The following RWDD1 variants were observed in gnomAD, a reference collection of about 807,000 sequenced individuals.
RWDD1 encodes RWD domain-containing protein 1.
A neutral mutation model predicts 31.6 loss-of-function variants in RWDD1; 17 were observed. The observed-to-expected ratio is 0.54, with a 90% CI of 0.37 to 0.81. RWDD1 has a LOEUF of 0.81. Ranked by LOEUF, RWDD1 falls within the 30% of genes least tolerant of loss-of-function variation. The probability of loss-of-function intolerance (pLI) is 0.00; values close to 1 mark genes in which losing one functional copy is unlikely to be tolerated. For synonymous variants in RWDD1, 78 were observed against 94.2 expected (o/e 0.83, Z 0.99); for missense variants, 204 against 274.5 (o/e 0.74, Z 1.82).
chr6:116,586,783 G>A (rs1775047873), intron 3 of RWDD1, among the ~76,000 whole-genome samples: 1 of 152,042 alleles, frequency 6.6e-6, no homozygotes, highest in African/African-American at 2.4e-5. Flanking sequence ...TATGATTGCT[G>A]GATTAAAGGG....
At position 116,586,134 on chromosome 6, in the gene RWDD1, C is replaced by A. The variant is rs74320121; in HGVS notation, c.270+1277C>A. Among the ~76,000 whole-genome samples the A allele has an allele frequency of 7.2e-5, 11 of 152,254 alleles. No individual in the cohort carries two copies. In the East Asian group the frequency reaches 2.1e-3, roughly 29 times the overall value. ...CTGTTTTGATTTATTTGACACCTGCCTGACCCTCAGGTGTGATCAGGGAGT... is the reference window on the plus strand; with the variant it reads ...CTGTTTTGATTTATTTGACACCTGCATGACCCTCAGGTGTGATCAGGGAGT... On this transcript the variant is annotated intron_variant, in intron 3 of 6. Transcript: ENST00000466444.
intron 5 of RWDD1, 130 bp from the exon 6 acceptor site, chr6:116,590,758 A>G (rs1583336412): frequency 7.3e-7 from 1 of 1,365,310 alleles, no homozygotes; most frequent in Non-Finnish European, 9.7e-7. Context: ...CCACTTAGCT[A>G]CTGAATAAAT....
At chr6:116,590,988 C>G in intron 6 of RWDD1, 38 bp downstream of exon 6, 1 of 1,536,098 alleles carries the variant, frequency 6.5e-7, no homozygotes, top group Non-Finnish European at 8.7e-7. Flanking sequence ...GGGACAGGCA[C>G]AGTAGCTCAA....
chr6:116,593,044 T>C lies in RWDD1; in HGVS notation c.675T>C (p.Asp225=). The change falls in exon 7 of 7, where the codon GAT becomes GAC. Residue 225 remains aspartate, a synonymous_variant. Transcript: ENST00000466444. The stretch of plus-strand genomic sequence containing the variant: ...AAATGGATGACTTGGAGCTGGAGGA[T>C]GATGAAGATGATCCAGACTATAATC... ...FQEMDDLELE[D]DEDDPDYNPA... is the part of the protein sequence containing the mutation. 6.2e-7 allele frequency: 1 copy of C among 1,613,806 alleles called. No individual in the cohort carries two copies. Among genetic ancestry groups the C allele is most frequent in the Non-Finnish European group, 8.5e-7 (1 of 1,179,944 alleles).
intron 2 of RWDD1, among the ~76,000 whole-genome samples, chr6:116,581,658 T>C (rs1774948998): frequency 6.6e-6 from 1 of 152,030 alleles, no homozygotes; most frequent in Admixed American, 6.5e-5. Flanking sequence ...AAGAACGATC[T>C]CACAGGTAAT....
chr6:116,577,135 C>G (rs1300982273), intron 1 of RWDD1, among the ~76,000 whole-genome samples: 2 of 152,148 alleles, frequency 1.3e-5, no homozygotes, highest in African/African-American at 4.8e-5. Flanking sequence ...AGAACTCATT[C>G]CAACACACTT....
intron 6 of RWDD1, among the ~76,000 whole-genome samples, chr6:116,592,113 T>TA (rs1413624951): frequency 6.6e-6 from 1 of 152,218 alleles, no homozygotes; most frequent in Admixed American, 6.5e-5. Context: ...TTTCTCTCCT[T>TA]AAAATCCTTT....
In RWDD1 at chr6:116,571,627, G is replaced by A. The variant is rs530894435; in HGVS notation, c.45G>A (p.Leu15=). Residue 15 remains leucine, a synonymous_variant, in exon 1 of 7, where the codon CTG becomes CTA. Coordinates refer to ENST00000466444, the MANE Select transcript of RWDD1 (RefSeq NM_015952.4). ...AGCAGCGCAACGAGCTGGAGGCCCT[G>A]GAGTCCATCTACCCTGACTCCTTCA... ...GEEQRNELEA[L]ESIYPDSFTV... is the part of the protein sequence containing the mutation. 7 of 1,613,710 alleles carry A rather than the reference G, an allele frequency of 4.3e-6. No homozygotes were observed. Among genetic ancestry groups the A allele is most frequent in the East Asian group, 2.2e-5 (1 of 44,776 alleles).
chr6:116,577,262 T>C (rs1015722038), intron 1 of RWDD1, among the ~76,000 whole-genome samples: 2 of 152,184 alleles, frequency 1.3e-5, no homozygotes, highest in African/African-American at 4.8e-5. Context: ...TAATTCTTCA[T>C]ATGCTCTTGA....
intron 3 of RWDD1, among the ~76,000 whole-genome samples, chr6:116,587,575 G>C (rs778794619): frequency 2.0e-4 from 31 of 152,104 alleles, no homozygotes; most frequent in Non-Finnish European, 5.9e-5. Flanking sequence ...GGTTTGCGAA[G>C]CTATGAAGGG....
chr6:116,586,531 C>G (rs1775043356), intron 3 of RWDD1, among the ~76,000 whole-genome samples: 1 of 152,094 alleles, frequency 6.6e-6, no homozygotes, highest in East Asian at 1.9e-4. Flanking sequence ...TATATAATTA[C>G]TCATCTTTTT....
Position 116,597,641 on chromosome 6 carries a change from AAAC to A in RWDD1, c.*4542_*4544del, listed in dbSNP as rs1046730254. On this transcript the variant is annotated 3_prime_UTR_variant, in exon 7 of 7. Transcript: ENST00000466444. ...GTTTTAAGTTTAAATTTTTTTAAAA[AAAC>A]AGGTAAAAATAAAATATTTGCCAAA... 6.6e-6 allele frequency: 1 copy of A among 152,074 alleles called. No individual in the cohort carries two copies. The highest frequency in any genetic ancestry group is 2.4e-5 in the African/African-American group (1 of 41,442). 9.4% of individuals were successfully genotyped at this position (152,074 alleles called of 1,614,324 possible).
At chr6:116,583,906 G>A (rs543053296) in intron 2 of RWDD1, among the ~76,000 whole-genome samples, 2 of 151,898 alleles carry the variant, frequency 1.3e-5, no homozygotes, top group African/African-American at 4.8e-5. Context: ...TTTTTTCCCC[G>A]TCCATGAAGA....
chr6:116,582,501 AT>A (rs1774964062), intron 2 of RWDD1, among the ~76,000 whole-genome samples: 1 of 152,008 alleles, frequency 6.6e-6, no homozygotes. Context: ...TTAATATCTA[AT>A]CTCTTGGCAG....
intron 3 of RWDD1, among the ~76,000 whole-genome samples, chr6:116,587,598 A>C (rs1775066248): frequency 6.6e-6 from 1 of 152,106 alleles, no homozygotes; most frequent in South Asian, 2.1e-4. Context: ...TTTAAGCAAG[A>C]CATTGACTAG....
intron 1 of RWDD1, among the ~76,000 whole-genome samples, chr6:116,575,967 G>C (rs1376666515): frequency 4.6e-5 from 7 of 152,232 alleles, no homozygotes. Context: ...GTGAGAGCTA[G>C]CTGGAAATGA....
chr6:116,579,754 G>A (rs1478621544), intron 1 of RWDD1, among the ~76,000 whole-genome samples: 1 of 152,164 alleles, frequency 6.6e-6, no homozygotes, highest in African/African-American at 2.4e-5. Flanking sequence ...AGATGGTAGA[G>A]GCTTAGTAAG....
At chr6:116,571,721 A>AGCTCTGGGCCTCATAGGTT (rs1192845066) in intron 1 of RWDD1, 66 bp downstream of exon 1, 1 of 1,464,258 alleles carries the variant, frequency 6.8e-7, no homozygotes, top group Non-Finnish European at 9.4e-7. Context: ...GAGCTGCCGC[A>AGCTCTGGGCCTCATAGGTT]GCTCTGGGCC....
At chr6:116,592,329 A>C in intron 6 of RWDD1, among the ~76,000 whole-genome samples, 1 of 152,126 alleles carries the variant, frequency 6.6e-6, no homozygotes, top group East Asian at 1.9e-4. Context: ...TGGTGGATTC[A>C]AATTTATCAT....
Sources: gnomAD v4.1 joint callset for allele counts (sites outside exome capture counted in the v4.1 genomes callset) on GRCh38, gnomAD v4.1.1 for gene constraint, MANE v1.5 for transcripts, NCBI Gene and HGNC (gene_info 2026-07-23, HGNC 2026-07-21) for gene names.